NRG1: variants seen among roughly 807,000 people sequenced by gnomAD.
The protein encoded by NRG1 is pro-neuregulin-1, membrane-bound isoform.
NRG1 carries 18 observed loss-of-function variants against 63.8 expected under a neutral mutation model. The observed-to-expected ratio is 0.28, with a 90% CI of 0.19 to 0.42. The LOEUF is 0.42. NRG1 is among the 10% of genes least tolerant of loss of function. NRG1 has a pLI of 1.00. For synonymous variants in NRG1, 302 were observed against 301.3 expected (o/e 1.00, Z -0.02); for missense variants, 762 against 814.7 (o/e 0.94, Z 0.79).
Position 31,688,197 on chromosome 8 carries a change from C to T in NRG1, c.37+48766C>T, listed in dbSNP as rs370380172. 1.3e-4 allele frequency among the ~76,000 whole-genome samples: 20 copies of T among 152,274 alleles called. No homozygotes were observed. In the East Asian group the frequency reaches 3.9e-3, roughly 29 times the overall value. ...TGCTCTTGTTTGAATGTTTCTATCT[C>T]CCCCAGATTTATATGTTGAAACCTG... On this transcript the variant is annotated intron_variant, in intron 1 of 10. Transcript: ENST00000519301.
chr8:32,275,681 A>G (rs996983419), intron 1 of NRG1, among the ~76,000 whole-genome samples: 2 of 152,142 alleles, frequency 1.3e-5, no homozygotes, highest in Non-Finnish European at 2.9e-5. Context: ...ACGTCAAATT[A>G]TGGAGGACTG....
chr8:32,701,980 G>T (rs1445912297), intron 5 of NRG1, among the ~76,000 whole-genome samples: 2 of 152,150 alleles, frequency 1.3e-5, no homozygotes, highest in Non-Finnish European at 2.9e-5. Flanking sequence ...GCTAGGAATT[G>T]TATTTTCCCT....
intron 1 of NRG1, among the ~76,000 whole-genome samples, chr8:32,423,552 G>A (rs1339963614): frequency 6.6e-6 from 1 of 152,106 alleles, no homozygotes; most frequent in Non-Finnish European, 1.5e-5. Flanking sequence ...AGCTAAGGTG[G>A]GAGGATTGCT....
At chr8:32,202,923 C>G (rs1294497994) in intron 1 of NRG1, among the ~76,000 whole-genome samples, 2 of 151,664 alleles carry the variant, frequency 1.3e-5, no homozygotes. Context: ...TGCCTGTTCT[C>G]ACTTAGGGCT....
At chr8:31,884,502 A>G (rs1244601801) in intron 1 of NRG1, among the ~76,000 whole-genome samples, 1 of 152,080 alleles carries the variant, frequency 6.6e-6, no homozygotes, top group Non-Finnish European at 1.5e-5. Flanking sequence ...TCCTGTAAGA[A>G]ACCTTGACAG....
chr8:31,749,074 G>A (rs915415337), intron 1 of NRG1, among the ~76,000 whole-genome samples: 2 of 151,846 alleles, frequency 1.3e-5, no homozygotes, highest in African/African-American at 4.8e-5. Flanking sequence ...GCAGCATTAT[G>A]CAGCCATTAA....
intron 7 of NRG1, among the ~76,000 whole-genome samples, chr8:32,750,751 T>C (rs1828557861): frequency 6.6e-6 from 1 of 151,182 alleles, no homozygotes; most frequent in Admixed American, 6.6e-5. Flanking sequence ...ACTACCAATT[T>C]GATGAGAAGC....
At chr8:32,642,051 C>T (rs371668417) in intron 5 of NRG1, among the ~76,000 whole-genome samples, 2 of 152,100 alleles carry the variant, frequency 1.3e-5, no homozygotes, top group South Asian at 2.1e-4. Flanking sequence ...TTCGCTAGAT[C>T]AGGCTAAATT....
In NRG1 at chr8:32,140,939, TTCTC is replaced by T. The variant is rs147651599; in HGVS notation, c.38-454874_38-454871del. On this transcript the variant is annotated intron_variant, in intron 1 of 10. Transcript: ENST00000519301. ...CTTTGAGCCCTTAAGTTTATGCACC[TTCTC>T]TCTCTCTCTCTCTCGCTCACTCTCT... Among the ~76,000 whole-genome samples, 190 of 149,418 alleles carry T rather than the reference TTCTC, an allele frequency of 1.3e-3. 1 individual carries two copies. The highest frequency in any genetic ancestry group is 4.4e-3 in the African/African-American group (179 of 41,034).
At chr8:32,211,330 A>G (rs1844684833) in intron 1 of NRG1, among the ~76,000 whole-genome samples, 1 of 152,150 alleles carries the variant, frequency 6.6e-6, no homozygotes, top group South Asian at 2.1e-4. Context: ...GTTGGCAGGT[A>G]TTTAGGTTGT....
intron 5 of NRG1, among the ~76,000 whole-genome samples, chr8:32,672,444 A>G (rs1805937470): frequency 6.6e-6 from 1 of 152,164 alleles, no homozygotes; most frequent in African/African-American, 2.4e-5. Flanking sequence ...AATCTCCCAC[A>G]TGAAAAATAG....
chr8:32,131,939 CA>C (rs1282083222), intron 1 of NRG1, among the ~76,000 whole-genome samples: 2 of 151,888 alleles, frequency 1.3e-5, no homozygotes, highest in Non-Finnish European at 2.9e-5. Context: ...AACAGACAGA[CA>C]AACAAAAACA....
intron 1 of NRG1, among the ~76,000 whole-genome samples, chr8:32,439,094 A>G (rs1422955445): frequency 6.6e-6 from 1 of 152,186 alleles, no homozygotes; most frequent in Non-Finnish European, 1.5e-5. Context: ...TTTTGATAGA[A>G]AAACTTGTCC....
At chr8:32,288,454 T>C (rs1044132810) in intron 1 of NRG1, among the ~76,000 whole-genome samples, 1 of 152,238 alleles carries the variant, frequency 6.6e-6, no homozygotes, top group African/African-American at 2.4e-5. Flanking sequence ...GCTTTGACTT[T>C]AAAAGCCCAT....
At chr8:32,454,228 T>C (rs1821324602) in intron 1 of NRG1, among the ~76,000 whole-genome samples, 2 of 152,200 alleles carry the variant, frequency 1.3e-5, no homozygotes, top group South Asian at 2.1e-4. Flanking sequence ...TTTTCCTTTC[T>C]CTTTTATGTG....
intron 1 of NRG1, among the ~76,000 whole-genome samples, chr8:32,385,305 G>A (rs541983720): frequency 2.0e-5 from 3 of 152,126 alleles, no homozygotes; most frequent in Admixed American, 6.5e-5. Flanking sequence ...GATTACAGGC[G>A]TGAGCCACCG....
chr8:32,323,093 A>C (rs10090851), intron 1 of NRG1, among the ~76,000 whole-genome samples: 14,396 of 152,072 alleles, frequency 0.095, 935 homozygotes, highest in African/African-American at 0.18. Context: ...TCGGTTTTAC[A>C]CAAAGCTTTA....
intron 5 of NRG1, among the ~76,000 whole-genome samples, chr8:32,672,926 T>C (rs1463283741): frequency 6.6e-6 from 1 of 152,226 alleles, no homozygotes; most frequent in African/African-American, 2.4e-5. Context: ...CTCTGTTTTT[T>C]TCATTTTTTA....
At chr8:32,506,966 A>C (rs189303449) in intron 1 of NRG1, among the ~76,000 whole-genome samples, 5 of 152,208 alleles carry the variant, frequency 3.3e-5, no homozygotes, top group African/African-American at 1.2e-4. Context: ...ATTACCCTCA[A>C]CCCATTTAGC....
Sources: allele counts gnomAD v4.1 joint callset (sites outside exome capture counted in the v4.1 genomes callset), GRCh38; gene constraint gnomAD v4.1.1; transcripts MANE v1.5; gene names NCBI Gene and HGNC (gene_info 2026-07-23, HGNC 2026-07-21).